The following BCL9L variants were observed in gnomAD, a reference collection of about 807,000 sequenced individuals.
BCL9L encodes the protein B-cell CLL/lymphoma 9-like protein.
Under a neutral mutation model 99.4 loss-of-function variants are expected in BCL9L, and 19 were observed. The observed-to-expected ratio is 0.19, with a 90% CI of 0.13 to 0.28. The LOEUF (loss-of-function observed/expected upper bound fraction) is 0.28. BCL9L is among the 10% of genes least tolerant of loss of function. The pLI is 1.00. For missense variants in BCL9L, 2,023 were observed against 2,101.6 expected (o/e 0.96, Z 0.73); for synonymous variants, 900 against 854.8 (o/e 1.05, Z -0.92).
intron 3 of BCL9L, among the ~76,000 whole-genome samples, 162 bp downstream of exon 3, chr11:118,909,752 G>T (rs1940700982): frequency 6.6e-6 from 1 of 152,320 alleles, no homozygotes. Flanking sequence ...CTCGGGCCAG[G>T]CCTTCCCATG....
intron 2 of BCL9L, among the ~76,000 whole-genome samples, chr11:118,911,580 C>T (rs184830997): frequency 4.6e-5 from 7 of 152,366 alleles, no homozygotes; most frequent in Non-Finnish European, 1.0e-4. Context: ...TCTGAGCAGG[C>T]TCCTGGCTGG....
chr11:118,898,592 C>G lies in BCL9L; in HGVS notation c.4323G>C (p.Val1441=). The G allele has an allele frequency of 1.2e-6, 2 of 1,611,826 alleles. No individual in the cohort carries two copies. Among genetic ancestry groups the G allele is most frequent in the East Asian group, 2.2e-5 (1 of 44,872 alleles). The change falls in exon 10 of 10, where the codon GTG becomes GTC. Residue 1441 remains valine (V), a synonymous_variant. Coordinates refer to ENST00000683865, the MANE Select transcript of BCL9L (RefSeq NM_001378213.1). ...QNFMLMKQRG[V]GGEVYSQPPH... ...GCGGCTGGCTGTAGACCTCGCCCCC[C>G]ACGCCCCGCTGCTTCATCAGCATGA...
chr11:118,919,114 C>T (rs1463139095), intron 1 of BCL9L, among the ~76,000 whole-genome samples: 1 of 21,552 alleles, frequency 4.6e-5, no homozygotes, highest in Non-Finnish European at 9.7e-5. Flanking sequence ...GCCCCCCCCC[C>T]CCCGACCCCC....
rs771312333 is a variant in BCL9L, at chr11:118,898,668, A to G, written c.4247T>C (p.Leu1416Pro). The G allele has an allele frequency of 4.3e-6, 7 of 1,611,074 alleles. No individual in the cohort carries two copies. In the East Asian group the frequency reaches 1.3e-4, roughly 31 times the overall value. Residue 1416 changes from leucine to proline, a missense_variant, in exon 10 of 10, where the codon CTG becomes CCG. Physicochemically the swap from Leu to Pro is moderately conservative, Grantham distance 98. Coordinates refer to ENST00000683865, the MANE Select transcript of BCL9L (RefSeq NM_001378213.1). The stretch of plus-strand genomic sequence containing the variant: ...TGGAGGGGACATGACCCCCTGGTGC[A>G]GGCCATGGGGCACCATCCCCTGCTG... Reference protein sequence around the residue: ...PPQQGMVPHGLHQGVMSPPQG... With the variant: ...PPQQGMVPHGPHQGVMSPPQG...
chr11:118,920,258 TCTG>T (rs1202728436), intron 1 of BCL9L, among the ~76,000 whole-genome samples: 5 of 152,132 alleles, frequency 3.3e-5, no homozygotes, highest in African/African-American at 1.2e-4. Context: ...ATGCACTAAC[TCTG>T]CTATCACCGT....
In BCL9L at chr11:118,911,282, G is replaced by A. The variant is rs962542685; in HGVS notation, c.-76-1267C>T. Reference sequence around the variant, plus strand: ...GGAGCTTCGTCCCGGTGACAGGCCCGGCCAGACACCGGTGCACACTCCTGA... The same window carrying A: ...GGAGCTTCGTCCCGGTGACAGGCCCAGCCAGACACCGGTGCACACTCCTGA... On this transcript the variant is annotated intron_variant, in intron 2 of 9. Coordinates refer to ENST00000683865, the MANE Select transcript of BCL9L (RefSeq NM_001378213.1). 2.9e-5 allele frequency: 13 copies of A among 455,384 alleles called. No individual in the cohort carries two copies. The Admixed American group carries it at 3.1e-4, about 11-fold the overall frequency. The allele number at this position is 455,384 out of a possible 1,614,324, so 28.2% of individuals were successfully genotyped here. A position where few individuals can be genotyped will look rare whatever the true frequency, so the allele number is the denominator to read the frequency against.
intron 4 of BCL9L, 118 bp from the exon 5 acceptor site, chr11:118,907,720 G>C: frequency 1.4e-6 from 2 of 1,455,224 alleles, no homozygotes; most frequent in Non-Finnish European, 1.8e-6. Flanking sequence ...CACTGCCCAG[G>C]CCATGGTGGG....
chr11:118,902,657 G>T lies in BCL9L; in HGVS notation c.1086C>A (p.Asn362Lys). Residue 362 changes from asparagine to lysine, a missense_variant, in exon 8 of 10, where the codon AAC becomes AAA. Physicochemically the swap from Asn to Lys is moderately conservative, Grantham distance 94 (BLOSUM62 0). Transcript: ENST00000683865. This position sits in a 1 kb window ranked among gnomAD's most constrained non-coding sequence, Gnocchi z 7.8. Reference protein sequence around the residue: ...HPNTPTATTANNPLPPGGDPS... With the variant: ...HPNTPTATTAKNPLPPGGDPS... The stretch of plus-strand genomic sequence containing the variant: ...GGTCTCCTCCAGGAGGCAGAGGGTT[G>T]TTGGCGGTGGTAGCCGTCGGGGTGT... 6.3e-7 allele frequency: 1 copy of T among 1,599,652 alleles called. No individual in the cohort carries two copies. The highest frequency in any genetic ancestry group is 1.1e-5 in the South Asian group (1 of 91,076).
At chr11:118,907,737 G>GA in intron 4 of BCL9L, 135 bp from the exon 5 acceptor site, 14 of 1,365,800 alleles carry the variant, frequency 1.0e-5, no homozygotes, top group East Asian at 1.0e-4. Flanking sequence ...TGGGCACTTC[G>GA]CCAGCCCGTG....
In BCL9L at chr11:118,898,691, C is replaced by T. The variant is rs374789187; in HGVS notation, c.4224G>A (p.Gln1408=). ...SLLGRTGVPP[Q]QGMVPHGLHQ... is the part of the protein sequence containing the mutation. ...GCAGGCCATGGGGCACCATCCCCTG[C>T]TGTGGGGGCACGCCTGTCCTGCCCA... The change falls in exon 10 of 10, where the codon CAG becomes CAA. Residue 1408 remains glutamine, a synonymous_variant. Transcript: ENST00000683865. The T allele has an allele frequency of 4.3e-5, 69 of 1,611,280 alleles. No homozygotes were observed. The highest frequency in any genetic ancestry group is 5.7e-5 in the Non-Finnish European group (67 of 1,178,872).
At chr11:118,910,174 A>G in intron 2 of BCL9L, 159 bp from the exon 3 acceptor site, 1 of 584,896 alleles carries the variant, frequency 1.7e-6, no homozygotes, top group Non-Finnish European at 3.1e-6. Context: ...TCGATCCTGG[A>G]GGCCAGCCCT....
rs1169993838 is a variant in BCL9L at position 118,899,158 on chromosome 11, G to C, written c.3757C>G (p.Gln1253Glu). 2.7e-6 allele frequency: 4 copies of C among 1,496,856 alleles called. No homozygotes were observed. The highest frequency in any genetic ancestry group is 3.6e-6 in the Non-Finnish European group (4 of 1,120,356). 92.7% of individuals were successfully genotyped at this position (1,496,856 alleles called of 1,614,324 possible). Residue 1253 changes from glutamine to glutamate, a missense_variant, in exon 10 of 10, where the codon CAG (glutamine) becomes GAG (glutamate). Coordinates refer to ENST00000683865, the MANE Select transcript of BCL9L (RefSeq NM_001378213.1). ...AGGGCCATGCCTGACGGGTAGTGCTGCTGCAGGCCAGGCCCCCCGCCCCCA... is the reference window on the plus strand; with the variant it reads ...AGGGCCATGCCTGACGGGTAGTGCTCCTGCAGGCCAGGCCCCCCGCCCCCA... ...GGGGGGPGLQQHYPSGMALPP... is the reference protein window; with the variant it reads ...GGGGGGPGLQEHYPSGMALPP...
chr11:118,898,989 T>C lies in BCL9L; in HGVS notation c.3926A>G (p.Glu1309Gly). Residue 1309 changes from glutamate (E) to glycine (G), a missense_variant, in exon 10 of 10, where the codon GAG becomes GGG. Glu to Gly is a moderately conservative substitution (Grantham distance 98). Transcript: ENST00000683865. ...PGVASVLNDP[E>G]LSEVIRPTPT... ...GGTGGGCCGGATCACCTCGCTCAGCTCGGGGTCGTTCAGCACTGATGCCAC... is the reference window on the plus strand; with the variant it reads ...GGTGGGCCGGATCACCTCGCTCAGCCCGGGGTCGTTCAGCACTGATGCCAC... 6.2e-7 allele frequency: 1 copy of C among 1,613,804 alleles called. No individual in the cohort carries two copies. Among genetic ancestry groups the C allele is most frequent in the Non-Finnish European group, 8.5e-7 (1 of 1,179,888 alleles).
At position 118,901,338 on chromosome 11, in the gene BCL9L, C is replaced by A. The variant is rs769979105; in HGVS notation, c.2405G>T (p.Gly802Val). The A allele has an allele frequency of 1.2e-6, 2 of 1,613,706 alleles. No homozygotes were observed. The highest frequency in any genetic ancestry group is 8.5e-7 in the Non-Finnish European group (1 of 1,179,954). The change falls in exon 8 of 10, where the codon GGC becomes GTC. Residue 802 changes from glycine to valine, a missense_variant. Physicochemically the swap from Gly to Val is moderately radical, Grantham distance 109. Coordinates refer to ENST00000683865, the MANE Select transcript of BCL9L (RefSeq NM_001378213.1). The surrounding 1 kb of genome is among the most constrained non-coding windows in gnomAD (Gnocchi z 6.6). Reference protein sequence around the residue: ...QQMLMSQKMRGPGDLMGPQGL... With the variant: ...QQMLMSQKMRVPGDLMGPQGL... ...CTGGGGCCCCATCAAGTCCCCAGGG[C>A]CCCGCATCTTCTGCGACATCAGCAT...
In BCL9L at chr11:118,901,843, T is replaced by C; in HGVS notation, c.1900A>G (p.Arg634Gly). ...VPMNAMQRPV[R>G]PGMGWTEDLP... ...TCTTCGGTCCAGCCCATGCCTGGTC[T>C]CACGGGCCTCTGCATGGCATTCATG... Residue 634 changes from arginine (R) to glycine (G), a missense_variant, in exon 8 of 10, where the codon AGA becomes GGA. By Grantham distance (125) the Arg-to-Gly change is moderately radical (BLOSUM62 -2). Around this residue, in one of 3 missense-constraint regions of BCL9L, gnomAD observed 1,116 missense variants for 1,194.6 expected, o/e 0.93. Transcript: ENST00000683865. This position sits in a 1 kb window ranked among gnomAD's most constrained non-coding sequence, Gnocchi z 6.6. 6.2e-7 allele frequency: 1 copy of C among 1,609,694 alleles called. No individual in the cohort carries two copies. The highest frequency in any genetic ancestry group is 8.5e-7 in the Non-Finnish European group (1 of 1,176,400).
At position 118,898,456 on chromosome 11, in the gene BCL9L, A is replaced by G. The variant is rs1940023090; in HGVS notation, c.4459T>C (p.Tyr1487His). Reference protein sequence around the residue: ...RSVSLDSQMGYLPAPGGMANL... With the variant: ...RSVSLDSQMGHLPAPGGMANL... Reference sequence around the variant, plus strand: ...GCCATGCCGCCTGGTGCCGGGAGGTAGCCCATCTGGCTGTCCAGGGACACA... The same window carrying G: ...GCCATGCCGCCTGGTGCCGGGAGGTGGCCCATCTGGCTGTCCAGGGACACA... Residue 1487 changes from tyrosine to histidine, a missense_variant, in exon 10 of 10, where the codon TAC becomes CAC. By Grantham distance (83) the Tyr-to-His change is moderately conservative. Transcript: ENST00000683865. 7 of 1,607,112 alleles carry G rather than the reference A, an allele frequency of 4.4e-6. No homozygotes were observed. The highest frequency in any genetic ancestry group is 6.0e-6 in the Non-Finnish European group (7 of 1,175,146).
Position 118,909,953 on chromosome 11 carries a change from A to G in BCL9L, c.-14T>C, listed in dbSNP as rs1478339622. On this transcript the variant is annotated 5_prime_UTR_variant, in exon 3 of 10. Coordinates refer to ENST00000683865, the MANE Select transcript of BCL9L (RefSeq NM_001378213.1). ...CAGGATCCTCATGGCTCCCACACAC[A>G]GTGGGGCTACGGCCCCTGTGCGTGC... is the stretch of plus-strand genomic sequence containing the variant. The G allele has an allele frequency of 6.2e-7, 1 of 1,613,862 alleles. No homozygotes were observed. The highest frequency in any genetic ancestry group is 2.2e-5 in the East Asian group (1 of 44,860).
rs1469222910 is a variant in BCL9L at position 118,914,558 on chromosome 11, G to A, written c.-77+4268C>T. Among the ~76,000 whole-genome samples, 3 of 152,210 alleles carry A rather than the reference G, an allele frequency of 2.0e-5. No homozygotes were observed. The highest frequency in any genetic ancestry group is 4.4e-5 in the Non-Finnish European group (3 of 68,036). On this transcript the variant is annotated intron_variant, in intron 2 of 9. Coordinates refer to ENST00000683865, the MANE Select transcript of BCL9L (RefSeq NM_001378213.1). The surrounding 1 kb of genome is among the most constrained non-coding windows in gnomAD (Gnocchi z 4.4). ...TGTCATGACCCTCCAGGATGCAGGG[G>A]CACGTGGGCCAGGCCGGGAGGGGTG... is the stretch of plus-strand genomic sequence containing the variant.
chr11:118,896,292 T>A lies in BCL9L; in HGVS notation c.*2123A>T, dbSNP rs911925821. On this transcript the variant is annotated 3_prime_UTR_variant, in exon 10 of 10. Transcript: ENST00000683865. ...TTGTATTTATATATTTATATTTATA[T>A]ATATATTTATATAATGGTACAAAAT... 6.2e-6 allele frequency: 1 copy of A among 161,340 alleles called. No homozygotes were observed. The highest frequency in any genetic ancestry group is 1.5e-5 in the Non-Finnish European group (1 of 67,834). 10.0% of individuals were successfully genotyped at this position (161,340 alleles called of 1,614,324 possible).
Sources: gnomAD v4.1 joint callset for allele counts (sites outside exome capture counted in the v4.1 genomes callset) on GRCh38, gnomAD v4.1.1 for gene constraint, gnomAD v4.1.1 regional missense constraint, Gnocchi (gnomAD v3.1) non-coding constraint, MANE v1.5 for transcripts, NCBI Gene and HGNC (gene_info 2026-07-23, HGNC 2026-07-21) for gene names.